Variants in REDIC1 observed in about 807,000 individuals in gnomAD.
REDIC1 encodes HEI10 Interacting Protein 1.
the REDIC1 span, among the ~76,000 whole-genome samples, chr12:39,810,400 T>G: frequency 6.6e-6 from 1 of 152,200 alleles, no homozygotes; most frequent in Non-Finnish European, 1.5e-5. Flanking sequence ...ATTCATTTAT[T>G]TATTCTCATA....
the REDIC1 span, among the ~76,000 whole-genome samples, chr12:39,898,154 A>G: frequency 3.9e-5 from 6 of 152,148 alleles, no homozygotes; most frequent in African/African-American, 7.2e-5. Flanking sequence ...TTCCATTTGT[A>G]GAAGTATTCC....
the REDIC1 span, among the ~76,000 whole-genome samples, chr12:39,655,978 G>A: frequency 6.6e-6 from 1 of 151,724 alleles, no homozygotes; most frequent in Non-Finnish European, 1.5e-5. Context: ...CCCCACATCA[G>A]GTTTTTTTTT....
the REDIC1 span, among the ~76,000 whole-genome samples, chr12:39,857,799 T>C: frequency 6.6e-6 from 1 of 152,212 alleles, no homozygotes; most frequent in Non-Finnish European, 1.5e-5. Context: ...CCAGTCTTGT[T>C]GGTCAATTCT....
chr12:39,901,969 T>G, the REDIC1 span, among the ~76,000 whole-genome samples: 1 of 152,102 alleles, frequency 6.6e-6, no homozygotes, highest in South Asian at 2.1e-4. Flanking sequence ...TAGACTGGAT[T>G]AAGAAAATGT....
At chr12:39,699,382 G>A in the REDIC1 span, among the ~76,000 whole-genome samples, 3 of 152,154 alleles carry the variant, frequency 2.0e-5, no homozygotes, top group East Asian at 1.9e-4. Flanking sequence ...CGAATACTGC[G>A]CTTTTCCGAC....
chr12:39,741,524 A>G, the REDIC1 span, among the ~76,000 whole-genome samples: 26 of 152,322 alleles, frequency 1.7e-4, no homozygotes, highest in African/African-American at 5.8e-4. Flanking sequence ...TTAACGGACA[A>G]ATCAAACTTG....
At chr12:39,891,883 A>T in the REDIC1 span, among the ~76,000 whole-genome samples, 1 of 152,190 alleles carries the variant, frequency 6.6e-6, no homozygotes, top group Non-Finnish European at 1.5e-5. Flanking sequence ...TGGTTTGATC[A>T]TTATTATTAG....
chr12:39,881,834 T>A, the REDIC1 span, among the ~76,000 whole-genome samples: 5,232 of 152,114 alleles, frequency 0.034, 240 homozygotes, highest in East Asian at 0.24. Flanking sequence ...TCTGTCTACT[T>A]TTTGGTCACT....
the REDIC1 span, among the ~76,000 whole-genome samples, chr12:39,897,288 G>A: frequency 1.3e-5 from 2 of 152,178 alleles, no homozygotes; most frequent in Non-Finnish European, 2.9e-5. Flanking sequence ...TGGTTATGCT[G>A]TTGCAAGCCT....
At chr12:39,670,583 A>G in the REDIC1 span, among the ~76,000 whole-genome samples, 1 of 152,184 alleles carries the variant, frequency 6.6e-6, no homozygotes, top group South Asian at 2.1e-4. Flanking sequence ...TTATCTGGAT[A>G]TCTAAATTGC....
chr12:39,903,875 G>C, the REDIC1 span, among the ~76,000 whole-genome samples: 1 of 152,004 alleles, frequency 6.6e-6, no homozygotes, highest in Non-Finnish European at 1.5e-5. Context: ...TATTTACTGG[G>C]GACGTGATGA....
the REDIC1 span, among the ~76,000 whole-genome samples, chr12:39,718,667 C>T: frequency 2.0e-5 from 3 of 151,624 alleles, no homozygotes; most frequent in African/African-American, 7.3e-5. Flanking sequence ...TCCTATGTGA[C>T]ATTTTTTTTT....
chr12:39,702,276 C>A, the REDIC1 span, among the ~76,000 whole-genome samples: 1 of 152,106 alleles, frequency 6.6e-6, no homozygotes, highest in African/African-American at 2.4e-5. Context: ...CACAGAAATA[C>A]AAACTACCAT....
chr12:39,809,553 C>T, the REDIC1 span, among the ~76,000 whole-genome samples: 23 of 152,174 alleles, frequency 1.5e-4, no homozygotes, highest in South Asian at 1.7e-3. Flanking sequence ...ATGTGCACAA[C>T]GTGCAGGTTT....
chr12:39,842,198 T>C, the REDIC1 span, among the ~76,000 whole-genome samples: 1 of 151,946 alleles, frequency 6.6e-6, no homozygotes, highest in Non-Finnish European at 1.5e-5. Flanking sequence ...ATAAAGAAAA[T>C]AAGCTAAAAC....
At chr12:39,755,394 T>C in the REDIC1 span, 1 of 152,040 alleles carries the variant, frequency 6.6e-6, no homozygotes, top group Non-Finnish European at 1.5e-5. Flanking sequence ...AGCATAAAAC[T>C]GTGATTTGAT....
chr12:39,762,229 T>C, the REDIC1 span, among the ~76,000 whole-genome samples: 3 of 152,068 alleles, frequency 2.0e-5, no homozygotes, highest in Admixed American at 6.6e-5. Context: ...TCAGTCACTA[T>C]CTCAGTTTCT....
chr12:39,890,363 G>A, the REDIC1 span, among the ~76,000 whole-genome samples: 1 of 152,110 alleles, frequency 6.6e-6, no homozygotes, highest in Non-Finnish European at 1.5e-5. Flanking sequence ...TATCCTCAAA[G>A]CTATCGGTGT....
the REDIC1 span, among the ~76,000 whole-genome samples, chr12:39,765,113 CTAAT>C: frequency 6.6e-6 from 1 of 152,040 alleles, no homozygotes; most frequent in African/African-American, 2.4e-5. Context: ...GACATGATTT[CTAAT>C]TAGTCCCTGG....
Sources: allele counts gnomAD v4.1 joint callset (sites outside exome capture counted in the v4.1 genomes callset), GRCh38; gene constraint gnomAD v4.1.1; transcripts MANE v1.5; gene names NCBI Gene and HGNC (gene_info 2026-07-23, HGNC 2026-07-21).